Variants in AADACL2 observed in about 807,000 individuals in gnomAD.
AADACL2 encodes the protein arylacetamide deacetylase-like 2.
A neutral mutation model predicts 22.3 loss-of-function variants in AADACL2; 23 were observed. The observed-to-expected ratio is 1.03, with a 90% CI of 0.74 to 1.46. The LOEUF (loss-of-function observed/expected upper bound fraction) is 1.46, where lower values mean the gene tolerates loss of function less well. AADACL2 is among the 40% of genes most tolerant of loss of function. The pLI, the probability that AADACL2 is intolerant of heterozygous loss-of-function variation, is 0.00. For missense variants in AADACL2, 472 were observed against 482.9 expected (o/e 0.98, Z 0.21); for synonymous variants, 177 against 166.2 (o/e 1.07, Z -0.50).
At chr3:151,741,008 A>C in intron 2 of AADACL2, 140 bp downstream of exon 2, 1 of 635,934 alleles carries the variant, frequency 1.6e-6, no homozygotes. Flanking sequence ...ATAGATATAA[A>C]TATGAGACAT....
intron 1 of AADACL2, 71 bp from the exon 2 acceptor site, chr3:151,740,575 C>A: frequency 9.8e-7 from 1 of 1,021,926 alleles, no homozygotes; most frequent in Non-Finnish European, 1.4e-6. Context: ...TCCTTTTTAA[C>A]TTTCTTTTTA....
At chr3:151,735,439 T>TA (rs138104101) in intron 1 of AADACL2, among the ~76,000 whole-genome samples, 9,416 of 152,262 alleles carry the variant, frequency 0.062, 610 homozygotes, top group African/African-American at 0.16. Context: ...GGCTACAACT[T>TA]AGAGTTTCTG....
At chr3:151,741,579 G>A (rs1520144) in intron 2 of AADACL2, among the ~76,000 whole-genome samples, 48,670 of 151,782 alleles carry the variant, frequency 0.32, 8,120 homozygotes, top group East Asian at 0.55. Context: ...TCAATACATT[G>A]GATTTCATCT....
intron 4 of AADACL2, chr3:151,755,155 A>C (rs1225215736): frequency 1.3e-5 from 2 of 152,040 alleles, no homozygotes; most frequent in African/African-American, 4.8e-5. Flanking sequence ...TATACATCAG[A>C]TATTATAGTT....
At chr3:151,744,308 A>G (rs1383943948) in intron 3 of AADACL2, 146 bp downstream of exon 3, 7 of 681,378 alleles carry the variant, frequency 1.0e-5, no homozygotes, top group African/African-American at 5.5e-5. Flanking sequence ...ACTGCTCCTC[A>G]AAGAGGTTCA....
Position 151,740,784 on chromosome 3 carries a change from T to C in AADACL2, c.277T>C (p.Leu93=), listed in dbSNP as rs766764479. ...DTTFVDIPVR[L]YLPKRKSETR... is the part of the protein sequence containing the mutation. ...AACATTTGTTGACATTCCAGTACGA[T>C]TGTACTTGCCAAAAAGAAAGTCAGA... The change falls in exon 2 of 5, where the codon TTG becomes CTG. Residue 93 remains leucine, a synonymous_variant. Transcript: ENST00000356517. The C allele has an allele frequency of 2.9e-5, 46 of 1,614,036 alleles. No individual in the cohort carries two copies. The highest frequency in any genetic ancestry group is 6.7e-5 in the East Asian group (3 of 44,842).
chr3:151,740,758 C>T lies in AADACL2; in HGVS notation c.251C>T (p.Thr84Ile). 1 of 1,613,932 alleles carries T rather than the reference C, an allele frequency of 6.2e-7. No homozygotes were observed. Among genetic ancestry groups the T allele is most frequent in the African/African-American group, 1.3e-5 (1 of 75,018 alleles). Residue 84 changes from threonine to isoleucine, a missense_variant, in exon 2 of 5, where the codon ACA (threonine) becomes ATA (isoleucine). This residue lies in a region of AADACL2 where 356 missense variants were observed against 365.5 expected (regional missense o/e 0.97). Transcript: ENST00000356517. ...LSDEYITVTD[T>I]TFVDIPVRLY... is the part of the protein sequence containing the mutation. ...GATGAATACATCACAGTGACTGATA[C>T]AACATTTGTTGACATTCCAGTACGA...
At chr3:151,752,662 CTTA>C in intron 4 of AADACL2, among the ~76,000 whole-genome samples, 1 of 152,174 alleles carries the variant, frequency 6.6e-6, no homozygotes, top group Middle Eastern at 3.4e-3. Flanking sequence ...ATGCATTGCT[CTTA>C]TTTAGGATCA....
At position 151,756,284 on chromosome 3, in the gene AADACL2, C is replaced by T. The variant is rs552411323; in HGVS notation, c.604-708C>T. On this transcript the variant is annotated intron_variant, in intron 4 of 4. Coordinates refer to ENST00000356517, the MANE Select transcript of AADACL2 (RefSeq NM_207365.4). ...TTGAAAAAGAAAAGGCACTCCTTAT[C>T]AAGTACTTCACATTTTATCCTTGCA... is the stretch of plus-strand genomic sequence containing the variant. Among the ~76,000 whole-genome samples, 3 of 152,244 alleles carry T rather than the reference C, an allele frequency of 2.0e-5. No individual in the cohort carries two copies. The East Asian group carries it at 5.8e-4, about 29-fold the overall frequency.
Position 151,745,563 on chromosome 3 carries a change from T to C in AADACL2, c.486T>C (p.Ala162=). 3 of 1,613,932 alleles carry C rather than the reference T, an allele frequency of 1.9e-6. No individual in the cohort carries two copies. In the South Asian group the frequency reaches 3.3e-5, roughly 18 times the overall value. The change falls in exon 4 of 5, where the codon GCT becomes GCC. Residue 162 remains alanine (A), a synonymous_variant. Coordinates refer to ENST00000356517, the MANE Select transcript of AADACL2 (RefSeq NM_207365.4). ...HFPAQFEDGL[A]AVKFFLLEKI... ...CTGCTCAGTTTGAAGATGGCCTTGC[T>C]GCAGTCAAATTTTTTCTTTTGGAAA...
At chr3:151,753,670 T>C (rs1713761628) in intron 4 of AADACL2, among the ~76,000 whole-genome samples, 1 of 152,082 alleles carries the variant, frequency 6.6e-6, no homozygotes, top group Non-Finnish European at 1.5e-5. Context: ...TGAAGTTTGG[T>C]GAACAATACT....
chr3:151,747,129 A>G lies in AADACL2; in HGVS notation c.603+1449A>G, dbSNP rs185108100. Among the ~76,000 whole-genome samples the G allele has an allele frequency of 2.6e-3, 398 of 152,258 alleles. 1 individual carries two copies. Among genetic ancestry groups the G allele is most frequent in the African/African-American group, 9.3e-3 (385 of 41,550 alleles). On this transcript the variant is annotated intron_variant, in intron 4 of 4. Transcript: ENST00000356517. ...GAGGTACAGTTGAAAAGGAAAAATC[A>G]TATGTATTTAAGATGTACAACATGA...
At chr3:151,749,736 C>T (rs538022621) in intron 4 of AADACL2, among the ~76,000 whole-genome samples, 1 of 152,310 alleles carries the variant, frequency 6.6e-6, no homozygotes, top group East Asian at 1.9e-4. Flanking sequence ...CAGCCTCAGC[C>T]TCCCAAAGTG....
chr3:151,745,479 C>G, intron 3 of AADACL2, 30 bp from the exon 4 acceptor site: 1 of 1,596,254 alleles, frequency 6.3e-7, no homozygotes, highest in African/African-American at 1.4e-5. Context: ...CAGATACAAC[C>G]ATAAATGCTT....
chr3:151,750,342 T>C (rs554815127), intron 4 of AADACL2, among the ~76,000 whole-genome samples: 1 of 152,366 alleles, frequency 6.6e-6, no homozygotes, highest in Admixed American at 6.5e-5. Flanking sequence ...TTTTCTGTGA[T>C]GCTTACTCAT....
Position 151,733,980 on chromosome 3 carries a change from G to C in AADACL2, c.-56G>C, listed in dbSNP as rs1713005629. On this transcript the variant is annotated 5_prime_UTR_variant, in exon 1 of 5. Transcript: ENST00000356517. ...CAATTGCTCTACTAGTTACTATTCAGTGTTTGTGAAAAATTTTAATCTCAG... is the reference window on the plus strand; with the variant it reads ...CAATTGCTCTACTAGTTACTATTCACTGTTTGTGAAAAATTTTAATCTCAG... 1.3e-6 allele frequency: 2 copies of C among 1,523,220 alleles called. No homozygotes were observed. Among genetic ancestry groups the C allele is most frequent in the Admixed American group, 4.4e-5 (2 of 45,706 alleles). 94.4% of individuals were successfully genotyped at this position (1,523,220 alleles called of 1,614,324 possible).
intron 4 of AADACL2, among the ~76,000 whole-genome samples, chr3:151,746,439 A>G (rs1713450451): frequency 6.7e-6 from 1 of 148,446 alleles, no homozygotes; most frequent in Non-Finnish European, 1.5e-5. Context: ...CTTGCTTCCC[A>G]GTACTTGTTC....
intron 4 of AADACL2, among the ~76,000 whole-genome samples, chr3:151,747,205 G>T (rs570340152): frequency 6.6e-6 from 1 of 152,134 alleles, no homozygotes; most frequent in Non-Finnish European, 1.5e-5. Context: ...GCTAAGTAAC[G>T]TAATCATTAC....
intron 4 of AADACL2, among the ~76,000 whole-genome samples, chr3:151,748,511 G>C (rs918783266): frequency 6.6e-6 from 1 of 152,184 alleles, no homozygotes; most frequent in Non-Finnish European, 1.5e-5. Context: ...CCTAGTGAGA[G>C]GTGTTTGGGA....
Sources: gnomAD v4.1 joint callset for allele counts (sites outside exome capture counted in the v4.1 genomes callset) on GRCh38, gnomAD v4.1.1 for gene constraint, gnomAD v4.1.1 regional missense constraint, MANE v1.5 for transcripts, NCBI Gene and HGNC (gene_info 2026-07-23, HGNC 2026-07-21) for gene names.